ANKRD11: variants seen among roughly 807,000 people sequenced by gnomAD.
ANKRD11 encodes ankyrin repeat domain 11.
In ANKRD11, 17 loss-of-function variants were observed where a neutral mutation model predicts 195.7. That is an observed-to-expected ratio of 0.09 (90% CI 0.06 to 0.13). The LOEUF (loss-of-function observed/expected upper bound fraction) is 0.13. ANKRD11 is among the 10% of genes least tolerant of loss of function. The probability of loss-of-function intolerance (pLI) is 1.00; values close to 1 mark genes in which losing one functional copy is unlikely to be tolerated. For missense variants in ANKRD11, 3,735 were observed against 3,566.1 expected, an observed-to-expected ratio of 1.05 and a Z score of -1.21; for synonymous variants, 1,953 against 1,528.1, an observed-to-expected ratio of 1.28 and a Z score of -6.49.
Position 89,324,181 on chromosome 16 carries a change from G to T in ANKRD11, c.-59-7103C>A, listed in dbSNP as rs906775137. On this transcript the variant is annotated intron_variant, in intron 2 of 12. Coordinates refer to ENST00000301030, the MANE Select transcript of ANKRD11 (RefSeq NM_013275.6). Reference sequence around the variant, plus strand: ...TCACATTTTCTGTTATCACGGCGGGGGGTGGCAGCACCGAGAGCGCGTTCA... The same window carrying T: ...TCACATTTTCTGTTATCACGGCGGGTGGTGGCAGCACCGAGAGCGCGTTCA... The T allele has an allele frequency of 6.0e-6, 7 of 1,159,226 alleles. No homozygotes were observed. In the South Asian group the frequency reaches 7.9e-5, roughly 13 times the overall value. The allele number at this position is 1,159,226 out of a possible 1,614,324, so 71.8% of individuals were successfully genotyped here. A position where few individuals can be genotyped will look rare whatever the true frequency, so the allele number is the denominator to read the frequency against.
chr16:89,306,484 C>T (rs2036254015), intron 3 of ANKRD11, among the ~76,000 whole-genome samples: 1 of 123,350 alleles, frequency 8.1e-6, no homozygotes, highest in South Asian at 2.9e-4. Context: ...TCCGCAGACA[C>T]GCGCCACCTC....
intron 1 of ANKRD11, among the ~76,000 whole-genome samples, chr16:89,441,442 G>GA (rs781393727): frequency 1.5e-4 from 23 of 151,800 alleles, no homozygotes; most frequent in Non-Finnish European, 2.9e-4. Flanking sequence ...AAGCAGTCAG[G>GA]AAAAAAACTT....
intron 1 of ANKRD11, chr16:89,420,299 G>C (rs1004186122): frequency 6.6e-6 from 1 of 152,192 alleles, no homozygotes. Flanking sequence ...CCAACGATTT[G>C]CAAGCTCACT....
Position 89,282,491 on chromosome 16 carries a change from T to G in ANKRD11, c.4051A>C (p.Arg1351=), listed in dbSNP as rs770242199. 1.6e-5 allele frequency: 26 copies of G among 1,614,088 alleles called. 1 individual carries two copies. In the South Asian group the frequency reaches 2.7e-4, roughly 17 times the overall value. ...TTCTTGGATGAAGATGAGGAGTGTCTGTGCCTCTCCTTCTCTTTCAGCTTC... is the reference window on the plus strand; with the variant it reads ...TTCTTGGATGAAGATGAGGAGTGTCGGTGCCTCTCCTTCTCTTTCAGCTTC... ...PEKLKEKERH[R]HSSSSSKKSH... is the part of the protein sequence containing the mutation. The change falls in exon 9 of 13, where the codon AGA becomes CGA. Residue 1351 remains arginine (R), a synonymous_variant. Coordinates refer to ENST00000301030, the MANE Select transcript of ANKRD11 (RefSeq NM_013275.6).
At chr16:89,407,812 T>C (rs964017996) in intron 2 of ANKRD11, among the ~76,000 whole-genome samples, 3 of 137,186 alleles carry the variant, frequency 2.2e-5, no homozygotes, top group Non-Finnish European at 4.5e-5. Context: ...ATCCGGCCAC[T>C]GCACTCCCAC....
In ANKRD11 at chr16:89,391,453, G is replaced by A. The variant is rs545774561; in HGVS notation, c.-60+26831C>T. ...ATTGTGGGACACCCAGCTGGTGTCC[G>A]CCACAGAACTGACTGCCTCCCTGCT... On this transcript the variant is annotated intron_variant, in intron 2 of 12. Coordinates refer to ENST00000301030, the MANE Select transcript of ANKRD11 (RefSeq NM_013275.6). Among the ~76,000 whole-genome samples, 5 of 152,250 alleles carry A rather than the reference G, an allele frequency of 3.3e-5. No individual in the cohort carries two copies. In the South Asian group the frequency reaches 6.2e-4, roughly 19 times the overall value.
At chr16:89,379,950 C>T (rs2040574660) in intron 2 of ANKRD11, among the ~76,000 whole-genome samples, 1 of 152,182 alleles carries the variant, frequency 6.6e-6, no homozygotes, top group African/African-American at 2.4e-5. Context: ...TCTCAAAACA[C>T]ACACTTTCAT....
intron 2 of ANKRD11, among the ~76,000 whole-genome samples, chr16:89,372,301 G>A (rs1378743152): frequency 6.6e-6 from 1 of 152,246 alleles, no homozygotes; most frequent in Admixed American, 6.5e-5. Context: ...GGCAGGCGGA[G>A]GCGGCGGCAG....
chr16:89,315,771 C>A (rs919694356), intron 3 of ANKRD11, among the ~76,000 whole-genome samples: 1 of 152,232 alleles, frequency 6.6e-6, no homozygotes, highest in African/African-American at 2.4e-5. Context: ...TCACGATTCA[C>A]CAAAAAGAAG....
chr16:89,280,691 C>A lies in ANKRD11; in HGVS notation c.5851G>T (p.Ala1951Ser), dbSNP rs755982261. The A allele has an allele frequency of 3.1e-6, 5 of 1,613,354 alleles. No individual in the cohort carries two copies. The highest frequency in any genetic ancestry group is 4.2e-6 in the Non-Finnish European group (5 of 1,179,910). ...GCAAGCGCCTGCTCGGAGGGGTGGG[C>A]CCACTCAACGGGCTCCTCGGTGATG... ...AVITEEPVEW[A>S]HPSEQALASS... is the part of the protein sequence containing the mutation. The change falls in exon 9 of 13, where the codon GCC (alanine) becomes TCC (serine). Residue 1951 changes from alanine (A) to serine (S), a missense_variant. Physicochemically the swap from Ala to Ser is moderately conservative, Grantham distance 99 (BLOSUM62 1). Coordinates refer to ENST00000301030, the MANE Select transcript of ANKRD11 (RefSeq NM_013275.6).
chr16:89,428,038 T>C (rs921634047), intron 1 of ANKRD11, among the ~76,000 whole-genome samples: 20 of 150,888 alleles, frequency 1.3e-4, no homozygotes, highest in Admixed American at 6.6e-4. Context: ...TGAAACGCCA[T>C]CTCTAATAAA....
chr16:89,473,058 G>A (rs553266614), intron 1 of ANKRD11, among the ~76,000 whole-genome samples: 190 of 152,132 alleles, frequency 1.2e-3, no homozygotes, highest in Non-Finnish European at 2.0e-3. Flanking sequence ...AGGTGTGGTG[G>A]TACACACCTG....
intron 1 of ANKRD11, among the ~76,000 whole-genome samples, chr16:89,464,458 A>G (rs1299348323): frequency 3.3e-5 from 5 of 150,712 alleles, no homozygotes; most frequent in African/African-American, 1.2e-4. Flanking sequence ...AATACAAAAA[A>G]TTAGCTGGGC....
chr16:89,358,895 G>A (rs1285138209), intron 2 of ANKRD11, among the ~76,000 whole-genome samples: 1 of 152,038 alleles, frequency 6.6e-6, no homozygotes, highest in Non-Finnish European at 1.5e-5. Flanking sequence ...GTGCGATCAT[G>A]GCTCACCACA....
At chr16:89,310,375 T>G (rs1229782547) in intron 3 of ANKRD11, among the ~76,000 whole-genome samples, 1 of 152,256 alleles carries the variant, frequency 6.6e-6, no homozygotes, top group African/African-American at 2.4e-5. Flanking sequence ...CTACACTGTC[T>G]GCATCCTCCA....
At chr16:89,318,152 C>T (rs551840035) in intron 2 of ANKRD11, among the ~76,000 whole-genome samples, 2 of 152,214 alleles carry the variant, frequency 1.3e-5, no homozygotes, top group Non-Finnish European at 2.9e-5. Flanking sequence ...ACGGTGCGAG[C>T]GCACTTCTTC....
Position 89,268,381 on chromosome 16 carries a change from G to A in ANKRD11, c.*97C>T, listed in dbSNP as rs1355430703. The A allele has an allele frequency of 3.4e-6, 2 of 583,656 alleles. No individual in the cohort carries two copies. Among genetic ancestry groups the A allele is most frequent in the Non-Finnish European group, 5.9e-6 (2 of 337,598 alleles). The allele number at this position is 583,656 out of a possible 1,614,324, so 36.2% of individuals were successfully genotyped here. A position where few individuals can be genotyped will look rare whatever the true frequency, so the allele number is the denominator to read the frequency against. ...TCTCTCTCGGGGTCTCTCCCCGCCC[G>A]GGTGGACAGGGCGCTCCCTCCTCCG... On this transcript the variant is annotated 3_prime_UTR_variant, in exon 13 of 13. Transcript: ENST00000301030.
chr16:89,305,062 T>A, intron 4 of ANKRD11, 144 bp downstream of exon 4: 1 of 1,310,982 alleles, frequency 7.6e-7, no homozygotes, highest in Non-Finnish European at 1.0e-6. Flanking sequence ...GCTCCGCCCC[T>A]GCTGCCTCTT....
intron 3 of ANKRD11, among the ~76,000 whole-genome samples, chr16:89,308,553 A>T (rs1170916969): frequency 6.6e-6 from 1 of 152,200 alleles, no homozygotes; most frequent in African/African-American, 2.4e-5. Context: ...AGCCACGAGG[A>T]GATGCACACC....
Sources: gnomAD v4.1 joint callset for allele counts (sites outside exome capture counted in the v4.1 genomes callset) on GRCh38, gnomAD v4.1.1 for gene constraint, MANE v1.5 for transcripts, NCBI Gene and HGNC (gene_info 2026-07-23, HGNC 2026-07-21) for gene names.